Variants in SLC35E2B observed in about 807,000 individuals in gnomAD.
SLC35E2B encodes the protein solute carrier family 35, member E2B.
SLC35E2B carries 18 observed loss-of-function variants against 32.4 expected under a neutral mutation model. The ratio of observed to expected loss-of-function variants is 0.56; its 90% CI spans 0.38 to 0.82. The LOEUF is 0.82. Ranked by LOEUF, SLC35E2B falls within the 40% of genes least tolerant of loss-of-function variation. The pLI, the probability that SLC35E2B is intolerant of heterozygous loss-of-function variation, is 0.00. For missense variants in SLC35E2B, 263 were observed against 469.5 expected (o/e 0.56, Z 4.06); for synonymous variants, 132 against 209.1 (o/e 0.63, Z 3.18).
Position 1,670,339 on chromosome 1 carries a change from C to T in SLC35E2B, c.708-188G>A, listed in dbSNP as rs1643655452. On this transcript the variant is annotated intron_variant, in intron 6 of 9. Coordinates refer to ENST00000617444, the MANE Select transcript of SLC35E2B (RefSeq NM_001290264.2). ...GTTTCACCGTGTTGGCCAGGCTGGTCTCCAACTCCTGACCTCAAGTGATCC... is the reference window on the plus strand; with the variant it reads ...GTTTCACCGTGTTGGCCAGGCTGGTTTCCAACTCCTGACCTCAAGTGATCC... 42 of 536,596 alleles carry T rather than the reference C, an allele frequency of 7.8e-5. No individual in the cohort carries two copies. In the South Asian group the frequency reaches 9.2e-4, roughly 12 times the overall value. The allele number at this position is 536,596 out of a possible 1,614,324, so 33.2% of individuals were successfully genotyped here.
At chr1:1,684,789 CAAAAAAAAAAAA>C (rs1175219653) in intron 2 of SLC35E2B, among the ~76,000 whole-genome samples, 2 of 23,736 alleles carry the variant, frequency 8.4e-5, no homozygotes, top group East Asian at 1.4e-3. Context: ...GACTCCATCT[CAAAAAAAAAAAA>C]AAAAAAAAAA....
chr1:1,671,010 A>G (rs1184092109), intron 6 of SLC35E2B: 1 of 152,264 alleles, frequency 6.6e-6, no homozygotes, highest in Non-Finnish European at 1.5e-5. Context: ...AGACGTAAAT[A>G]ACAGGGCCCT....
chr1:1,686,729 A>C (rs1643956168), intron 2 of SLC35E2B, among the ~76,000 whole-genome samples: 1 of 151,322 alleles, frequency 6.6e-6, no homozygotes, highest in Non-Finnish European at 1.5e-5. Flanking sequence ...TCATGCCACC[A>C]CACTCCAGCC....
At chr1:1,692,366 G>C (rs1303312084) in intron 1 of SLC35E2B, 83 bp downstream of exon 1, 1 of 960,044 alleles carries the variant, frequency 1.0e-6, no homozygotes, top group Non-Finnish European at 1.2e-6. Context: ...ATCAGTACCG[G>C]CACCCAGCAC....
rs1643647821 is a variant in SLC35E2B at position 1,670,095 on chromosome 1, T to C, written c.761+3A>G. ...GGAGATTTCACTGACGAATAATACT[T>C]ACGAGAACCTGTATTTGTCCCCGCT... On this transcript the variant is annotated splice_donor_region_variant and intron_variant, in intron 7 of 9. Transcript: ENST00000617444. 1 of 1,550,574 alleles carries C rather than the reference T, an allele frequency of 6.4e-7. No homozygotes were observed. The highest frequency in any genetic ancestry group is 1.4e-5 in the African/African-American group (1 of 72,986).
At chr1:1,688,530 G>A (rs1317629436) in intron 2 of SLC35E2B, among the ~76,000 whole-genome samples, 18 of 151,662 alleles carry the variant, frequency 1.2e-4, no homozygotes, top group Non-Finnish European at 2.6e-4. Context: ...AACCCAGGAG[G>A]TGGAGGCTGC....
chr1:1,685,085 C>T (rs1336634019), intron 2 of SLC35E2B, among the ~76,000 whole-genome samples: 2 of 141,736 alleles, frequency 1.4e-5, no homozygotes, highest in Non-Finnish European at 3.0e-5. Flanking sequence ...CCAGCCTGGG[C>T]AACAAGAGCA....
At chr1:1,666,692 G>A (rs185274685) in intron 9 of SLC35E2B, among the ~76,000 whole-genome samples, 302 of 151,714 alleles carry the variant, frequency 2.0e-3, no homozygotes, top group Non-Finnish European at 3.1e-3. Context: ...AGCACTGTGG[G>A]AGGCTGGGTG....
intron 2 of SLC35E2B, among the ~76,000 whole-genome samples, chr1:1,690,294 A>T (rs1644003175): frequency 1.0e-5 from 1 of 96,896 alleles, no homozygotes; most frequent in Non-Finnish European, 2.3e-5. Context: ...AAAAAAAAAA[A>T]GAAACAAAAA....
rs145135074 is a variant in SLC35E2B at position 1,663,721 on chromosome 1, T to A, written c.*2061A>T. The A allele has an allele frequency of 2.0e-3, 993 of 505,710 alleles. 101 individuals carry two copies. The Admixed American group carries it at 0.043, about 22-fold the overall frequency. 31.3% of individuals were successfully genotyped at this position (505,710 alleles called of 1,614,324 possible). A position where few individuals can be genotyped will look rare whatever the true frequency, so the allele number is the denominator to read the frequency against. ...CCTGGCCTTGTGATCCGCCAGCTGC[T>A]GCCTCCCAAAGTGCTGCGATTAGAG... On this transcript the variant is annotated 3_prime_UTR_variant, in exon 10 of 10. Coordinates refer to ENST00000617444, the MANE Select transcript of SLC35E2B (RefSeq NM_001290264.2).
intron 1 of SLC35E2B, 144 bp downstream of exon 1, chr1:1,692,305 C>A (rs1482030762): frequency 8.2e-6 from 6 of 735,938 alleles, no homozygotes; most frequent in Admixed American, 6.4e-5. Context: ...TAGGAAAGGA[C>A]CCCCAGGAGC....
intron 2 of SLC35E2B, among the ~76,000 whole-genome samples, chr1:1,687,272 TA>T (rs1643962788): frequency 6.6e-6 from 1 of 152,082 alleles, no homozygotes; most frequent in South Asian, 2.1e-4. Flanking sequence ...CCTTGGTTTC[TA>T]AATATCATTC....
rs184778449 is a variant in SLC35E2B at position 1,686,201 on chromosome 1, A to T, written c.-148+4775T>A. Among the ~76,000 whole-genome samples the T allele has an allele frequency of 1.5e-3, 228 of 151,802 alleles. 2 individuals are homozygous for T. Among genetic ancestry groups the T allele is most frequent in the African/African-American group, 5.1e-3 (213 of 41,386 alleles). On this transcript the variant is annotated intron_variant, in intron 2 of 9. Transcript: ENST00000617444. ...GTATTTTTAGTAGAGACGGGTTTTC[A>T]CCATGTTGGCCAGGCTGGTCTCGAA... is the stretch of plus-strand genomic sequence containing the variant.
chr1:1,669,070 T>C (rs1290730013), intron 8 of SLC35E2B, among the ~76,000 whole-genome samples: 1 of 151,948 alleles, frequency 6.6e-6, no homozygotes, highest in East Asian at 1.9e-4. Flanking sequence ...GCACAAGAAC[T>C]GATGGCCCTG....
Position 1,671,623 on chromosome 1 carries a change from A to C in SLC35E2B, c.593T>G (p.Leu198Arg), listed in dbSNP as rs528339041. Residue 198 changes from leucine (L) to arginine (R), a missense_variant, in exon 6 of 10, where the codon CTG (leucine) becomes CGG (arginine). Leu to Arg is a moderately radical substitution (Grantham distance 102). Around this residue, in one of 7 missense-constraint regions of SLC35E2B, gnomAD observed 129 missense variants for 164.5 expected, o/e 0.78. Transcript: ENST00000617444. ...RMILGEYTGL[L>R]VNLSLIPVMG... ...GACTGGGATGAGGGAGAGGTTGACC[A>C]GCAGCCCTGGCGAGAGGACAGCCCC... 6.5e-7 allele frequency: 1 copy of C among 1,544,290 alleles called. No individual in the cohort carries two copies. The highest frequency in any genetic ancestry group is 2.0e-5 in the Admixed American group (1 of 50,114).
At chr1:1,669,623 G>C in intron 8 of SLC35E2B, 41 bp downstream of exon 8, 1 of 1,488,594 alleles carries the variant, frequency 6.7e-7, no homozygotes, top group East Asian at 2.5e-5. Context: ...GGAGAAGGCA[G>C]CCCGGCAAGT....
intron 5 of SLC35E2B, chr1:1,672,601 C>G (rs1200535710): frequency 2.6e-5 from 4 of 152,254 alleles, no homozygotes; most frequent in Admixed American, 6.5e-5. Context: ...GGGCTTGCTG[C>G]TGCTGTTGAC....
Position 1,663,135 on chromosome 1 carries a change from T to C in SLC35E2B, c.*2647A>G. On this transcript the variant is annotated 3_prime_UTR_variant, in exon 10 of 10. Transcript: ENST00000617444. ...TGCCTCATGGGCTCCAGGCTCCTTC[T>C]GCCAGGATGAGGAAGAGGCCCCAGA... 1 of 947,952 alleles carries C rather than the reference T, an allele frequency of 1.1e-6. No homozygotes were observed. The highest frequency in any genetic ancestry group is 4.8e-5 in the South Asian group (1 of 20,824). 58.7% of individuals were successfully genotyped at this position (947,952 alleles called of 1,614,324 possible). A position where few individuals can be genotyped will look rare whatever the true frequency, so the allele number is the denominator to read the frequency against.
rs149957037 is a variant in SLC35E2B at position 1,663,691 on chromosome 1, G to A, written c.*2091C>T. 268 of 317,522 alleles carry A rather than the reference G, an allele frequency of 8.4e-4. 18 individuals are homozygous for A. Among genetic ancestry groups the A allele is most frequent in the African/African-American group, 4.8e-3 (221 of 45,988 alleles). The allele number at this position is 317,522 out of a possible 1,614,324, so 19.7% of individuals were successfully genotyped here. ...TCATCATGTTGGCCAGGCTGGTCTCGAACTCCTGGCCTTGTGATCCGCCAG... is the reference window on the plus strand; with the variant it reads ...TCATCATGTTGGCCAGGCTGGTCTCAAACTCCTGGCCTTGTGATCCGCCAG... On this transcript the variant is annotated 3_prime_UTR_variant, in exon 10 of 10. Transcript: ENST00000617444.
Sources: gnomAD v4.1 joint callset for allele counts (sites outside exome capture counted in the v4.1 genomes callset) on GRCh38, gnomAD v4.1.1 for gene constraint, gnomAD v4.1.1 regional missense constraint, MANE v1.5 for transcripts, NCBI Gene and HGNC (gene_info 2026-07-23, HGNC 2026-07-21) for gene names.